The following PSD3 variants were observed in gnomAD, a reference collection of about 807,000 sequenced individuals.
The protein encoded by PSD3 is pleckstrin and Sec7 domain containing 3.
In PSD3, 49 loss-of-function variants were observed where a neutral mutation model predicts 105.5. The ratio of observed to expected loss-of-function variants is 0.46; its 90% CI spans 0.37 to 0.59. PSD3 has a LOEUF of 0.59. PSD3 is among the 20% of genes least tolerant of loss of function. The pLI, the probability that PSD3 is intolerant of heterozygous loss-of-function variation, is 0.00. For missense variants in PSD3, 1,561 were observed against 1,263.8 expected, an observed-to-expected ratio of 1.24 and a Z score of -3.57; for synonymous variants, 557 against 457.8, an observed-to-expected ratio of 1.22 and a Z score of -2.77.
chr8:18,830,721 T>G (rs1386142216), intron 4 of PSD3, among the ~76,000 whole-genome samples: 6 of 152,166 alleles, frequency 3.9e-5, no homozygotes. Context: ...CTCCACCCCT[T>G]CGGAAGGCGT....
intron 1 of PSD3, among the ~76,000 whole-genome samples, chr8:18,947,298 G>C (rs1822927886): frequency 1.3e-5 from 2 of 152,342 alleles, no homozygotes; most frequent in South Asian, 4.1e-4. Context: ...TTAGGGAGAA[G>C]ACGTCGGCAA....
chr8:18,751,513 G>A (rs1265573933), intron 9 of PSD3, among the ~76,000 whole-genome samples: 1 of 152,178 alleles, frequency 6.6e-6, no homozygotes, highest in Non-Finnish European at 1.5e-5. Context: ...CATAGGCACA[G>A]GCCAAATATC....
At chr8:18,563,533 G>C (rs1490320439) in intron 14 of PSD3, among the ~76,000 whole-genome samples, 2 of 152,082 alleles carry the variant, frequency 1.3e-5, no homozygotes, top group Non-Finnish European at 2.9e-5. Flanking sequence ...CAGAACACCT[G>C]TCTTTGAGTC....
At chr8:18,862,306 C>G (rs918657617) in intron 4 of PSD3, among the ~76,000 whole-genome samples, 1 of 151,682 alleles carries the variant, frequency 6.6e-6, no homozygotes, top group Admixed American at 6.6e-5. Flanking sequence ...CAATTCGAAA[C>G]CAGGAATAAA....
intron 2 of PSD3, among the ~76,000 whole-genome samples, chr8:18,912,669 A>G (rs1820308744): frequency 6.6e-6 from 1 of 152,202 alleles, no homozygotes; most frequent in Non-Finnish European, 1.5e-5. Flanking sequence ...CCACAACCTG[A>G]CCAGGGCTGC....
At chr8:18,683,777 G>A (rs1563168924) in intron 9 of PSD3, 1 of 765,090 alleles carries the variant, frequency 1.3e-6, no homozygotes, top group African/African-American at 1.7e-5. Context: ...TCTTTACCTT[G>A]TTCTCCTTAG....
At chr8:18,553,336 C>A (rs765256549) in intron 15 of PSD3, among the ~76,000 whole-genome samples, 1 of 151,982 alleles carries the variant, frequency 6.6e-6, no homozygotes, top group South Asian at 2.1e-4. Context: ...TGGGCTCCCA[C>A]TGAACTGCAG....
intron 2 of PSD3, among the ~76,000 whole-genome samples, chr8:18,877,603 G>A (rs985226455): frequency 6.7e-6 from 1 of 149,354 alleles, no homozygotes; most frequent in African/African-American, 2.5e-5. Context: ...GTACGGTGGT[G>A]CAATCACAGT....
intron 10 of PSD3, among the ~76,000 whole-genome samples, chr8:18,637,434 T>G (rs1461750295): frequency 2.0e-5 from 3 of 152,188 alleles, no homozygotes; most frequent in Non-Finnish European, 4.4e-5. Context: ...TGGAACAGTC[T>G]TATCACCCCC....
chr8:18,692,881 T>C (rs6981989), intron 9 of PSD3, among the ~76,000 whole-genome samples: 138,007 of 152,212 alleles, frequency 0.91, 63,055 homozygotes, highest in Middle Eastern at 0.96. Context: ...TACAGATAGT[T>C]GGGGAACAAT....
intron 8 of PSD3, 90 bp downstream of exon 8, chr8:18,799,205 A>G: frequency 8.6e-7 from 1 of 1,157,394 alleles, no homozygotes. Context: ...AGAATGGGAA[A>G]CGGGGAGGCA....
chr8:18,625,901 A>G (rs905545377), intron 11 of PSD3, among the ~76,000 whole-genome samples: 2 of 152,212 alleles, frequency 1.3e-5, no homozygotes, highest in Non-Finnish European at 2.9e-5. Flanking sequence ...TATTGTGTAG[A>G]TCATTTATAT....
At chr8:18,540,291 C>G (rs1202103559) in intron 15 of PSD3, among the ~76,000 whole-genome samples, 1 of 152,150 alleles carries the variant, frequency 6.6e-6, no homozygotes, top group Non-Finnish European at 1.5e-5. Context: ...ATGCTATAAA[C>G]AACTTTTATA....
chr8:18,748,942 C>G (rs1247669075), intron 9 of PSD3, among the ~76,000 whole-genome samples: 1 of 152,166 alleles, frequency 6.6e-6, no homozygotes, highest in Admixed American at 6.5e-5. Context: ...AGATATGGAG[C>G]TTTTAAAAGT....
intron 10 of PSD3, among the ~76,000 whole-genome samples, chr8:18,635,353 A>C (rs768037732): frequency 5.3e-5 from 8 of 152,166 alleles, no homozygotes; most frequent in Non-Finnish European, 1.0e-4. Context: ...GGGTCCTCCC[A>C]ATAGACAAAG....
intron 1 of PSD3, among the ~76,000 whole-genome samples, chr8:18,947,765 T>A (rs891206634): frequency 6.6e-6 from 1 of 152,194 alleles, no homozygotes; most frequent in East Asian, 1.9e-4. Flanking sequence ...GTGCCTGGCC[T>A]GGGCAAGGTT....
intron 12 of PSD3, among the ~76,000 whole-genome samples, chr8:18,595,661 C>T (rs1301761861): frequency 6.6e-6 from 1 of 151,960 alleles, no homozygotes; most frequent in African/African-American, 2.4e-5. Context: ...AAGTAAAAAA[C>T]TGTCAAGAGA....
intron 9 of PSD3, among the ~76,000 whole-genome samples, chr8:18,697,231 C>A (rs183543352): frequency 6.6e-6 from 1 of 152,052 alleles, no homozygotes. Flanking sequence ...ATTAACTGCT[C>A]GACAGCGACA....
chr8:18,582,145 A>AG (rs1358422141), intron 12 of PSD3, among the ~76,000 whole-genome samples: 2 of 152,142 alleles, frequency 1.3e-5, no homozygotes, highest in African/African-American at 4.8e-5. Context: ...GGGGAATATG[A>AG]GAAAAAGAGG....
Sources: allele counts gnomAD v4.1 joint callset (sites outside exome capture counted in the v4.1 genomes callset), GRCh38; gene constraint gnomAD v4.1.1; transcripts MANE v1.5; gene names NCBI Gene and HGNC (gene_info 2026-07-23, HGNC 2026-07-21).